Variants in STARD13 observed in about 807,000 individuals in gnomAD.
The protein encoded by STARD13 is StAR related lipid transfer domain containing 13.
Under a neutral mutation model 106.4 loss-of-function variants are expected in STARD13, and 62 were observed. The observed-to-expected ratio is 0.58, with a 90% CI of 0.48 to 0.72. The LOEUF (loss-of-function observed/expected upper bound fraction) is 0.72, where lower values mean the gene tolerates loss of function less well. STARD13 is among the 30% of genes least tolerant of loss of function. The pLI, the probability that STARD13 is intolerant of heterozygous loss-of-function variation, is 0.00. For synonymous variants in STARD13, 565 were observed against 553.0 expected (o/e 1.02, Z -0.31); for missense variants, 1,387 against 1,424.0 (o/e 0.97, Z 0.42).
the STARD13 span, among the ~76,000 whole-genome samples, chr13:33,620,801 A>G: frequency 6.6e-6 from 1 of 150,786 alleles, no homozygotes. Flanking sequence ...ATATTTGTAT[A>G]GATAAAATAT....
At chr13:33,196,978 C>A (rs2138074227) in intron 1 of STARD13, among the ~76,000 whole-genome samples, 1 of 152,322 alleles carries the variant, frequency 6.6e-6, no homozygotes, top group Admixed American at 6.5e-5. Flanking sequence ...CTGCATGTAA[C>A]TTATAAAATA....
At chr13:33,313,077 G>A (rs1566133697) in intron 1 of STARD13, among the ~76,000 whole-genome samples, 1 of 152,224 alleles carries the variant, frequency 6.6e-6, no homozygotes, top group Non-Finnish European at 1.5e-5. Flanking sequence ...TTTTGCTGTT[G>A]GATATGAAAG....
At chr13:33,386,428 C>T in the STARD13 span, among the ~76,000 whole-genome samples, 17 of 152,134 alleles carry the variant, frequency 1.1e-4, no homozygotes, top group Non-Finnish European at 1.8e-4. Flanking sequence ...TATGGTCACC[C>T]TCCAGGTATG....
chr13:33,242,273 G>A (rs1038925072), intron 1 of STARD13, among the ~76,000 whole-genome samples: 2 of 152,190 alleles, frequency 1.3e-5, no homozygotes, highest in Admixed American at 6.5e-5. Flanking sequence ...CATTGACAAC[G>A]GGCCATGATG....
chr13:33,269,328 C>T (rs575080555), intron 1 of STARD13, among the ~76,000 whole-genome samples: 12 of 152,138 alleles, frequency 7.9e-5, no homozygotes, highest in Admixed American at 3.9e-4. Flanking sequence ...TGTGTGTTTC[C>T]GGCAACTTTC....
downstream of STARD13, among the ~76,000 whole-genome samples, chr13:33,345,065 C>T (rs1032372093): frequency 6.6e-6 from 1 of 152,120 alleles, no homozygotes; most frequent in Non-Finnish European, 1.5e-5. Flanking sequence ...ACTGGGGAAG[C>T]CAAAATAACC....
At chr13:33,547,489 A>G in the STARD13 span, among the ~76,000 whole-genome samples, 1 of 152,208 alleles carries the variant, frequency 6.6e-6, no homozygotes, top group Non-Finnish European at 1.5e-5. Context: ...ACAGCAAAAC[A>G]TAGGGCCCTG....
At position 33,350,190 on chromosome 13, in the gene STARD13, G is replaced by A. The variant is rs527712574; in HGVS notation, c.124+100C>T. 7.8e-5 allele frequency: 106 copies of A among 1,355,784 alleles called. No homozygotes were observed. In the African/African-American group the frequency reaches 1.3e-3, roughly 17 times the overall value. The allele number at this position is 1,355,784 out of a possible 1,614,324, so 84.0% of individuals were successfully genotyped here. A position where few individuals can be genotyped will look rare whatever the true frequency, so the allele number is the denominator to read the frequency against. The stretch of plus-strand genomic sequence containing the variant: ...CCCGGCCTTGGGCTCTGAAACTCAT[G>A]CCCTGGAGCCCAGAGCAGAGGAGGG... On this transcript the variant is annotated intron_variant, in intron 1 of 1. Transcript: ENST00000439831.
the STARD13 span, among the ~76,000 whole-genome samples, chr13:33,358,462 G>A: frequency 1.3e-5 from 2 of 152,228 alleles, no homozygotes; most frequent in Non-Finnish European, 2.9e-5. Context: ...GTGGGGACGT[G>A]GAGAGTCTTT....
intron 1 of STARD13, among the ~76,000 whole-genome samples, chr13:33,212,614 A>C (rs959938652): frequency 6.6e-6 from 1 of 152,098 alleles, no homozygotes; most frequent in African/African-American, 2.4e-5. Context: ...CATGGAGCCT[A>C]TTTTCAAGTC....
chr13:33,165,663 C>T (rs1220154230), intron 2 of STARD13, among the ~76,000 whole-genome samples: 1 of 152,138 alleles, frequency 6.6e-6, no homozygotes, highest in Non-Finnish European at 1.5e-5. Flanking sequence ...ACACTAAGTG[C>T]CTGCATTTTT....
chr13:33,534,899 G>A, the STARD13 span, among the ~76,000 whole-genome samples: 18 of 152,184 alleles, frequency 1.2e-4, no homozygotes, highest in Admixed American at 5.9e-4. Context: ...GAAAGAAGAT[G>A]TTATGTCCAA....
the STARD13 span, among the ~76,000 whole-genome samples, chr13:33,575,972 C>CA: frequency 2.4e-4 from 37 of 151,810 alleles, no homozygotes; most frequent in South Asian, 4.2e-4. Flanking sequence ...GCAGTAAAAA[C>CA]AAAAAAAATC....
At chr13:33,256,596 T>G (rs1327004122) in intron 1 of STARD13, among the ~76,000 whole-genome samples, 1 of 152,232 alleles carries the variant, frequency 6.6e-6, no homozygotes, top group African/African-American at 2.4e-5. Context: ...TAGGGGTATT[T>G]TTTTCTTAAT....
intron 1 of STARD13, among the ~76,000 whole-genome samples, chr13:33,189,903 C>A (rs573515627): frequency 6.6e-6 from 1 of 152,124 alleles, no homozygotes; most frequent in African/African-American, 2.4e-5. Flanking sequence ...GCAACCCACT[C>A]TAAGCCATTT....
chr13:33,212,847 G>GA (rs34831589), intron 1 of STARD13, among the ~76,000 whole-genome samples: 1 of 152,060 alleles, frequency 6.6e-6, no homozygotes, highest in Non-Finnish European at 1.5e-5. Flanking sequence ...CTTTTTCTGA[G>GA]AAAAAAGTTA....
At chr13:33,541,484 C>T in the STARD13 span, among the ~76,000 whole-genome samples, 5 of 152,180 alleles carry the variant, frequency 3.3e-5, no homozygotes, top group Non-Finnish European at 7.3e-5. Flanking sequence ...CATAGTACTC[C>T]TCACGTCACA....
At chr13:33,356,273 C>T in the STARD13 span, among the ~76,000 whole-genome samples, 1 of 152,176 alleles carries the variant, frequency 6.6e-6, no homozygotes, top group Non-Finnish European at 1.5e-5. Context: ...ATTTAGCTTA[C>T]CACACAACCT....
At chr13:33,616,066 A>C in the STARD13 span, among the ~76,000 whole-genome samples, 1 of 152,150 alleles carries the variant, frequency 6.6e-6, no homozygotes, top group Admixed American at 6.5e-5. Context: ...AGCCAGGCAA[A>C]GCATATTAAA....
Sources: allele counts gnomAD v4.1 joint callset (sites outside exome capture counted in the v4.1 genomes callset), GRCh38; gene constraint gnomAD v4.1.1; transcripts MANE v1.5; gene names NCBI Gene and HGNC (gene_info 2026-07-23, HGNC 2026-07-21).